The following NALCN variants were observed in gnomAD, a reference collection of about 807,000 sequenced individuals.
The protein encoded by NALCN is sodium leak channel NALCN.
A neutral mutation model predicts 225.3 loss-of-function variants in NALCN; 111 were observed. The observed-to-expected ratio is 0.49, with a 90% CI of 0.42 to 0.58. NALCN has a LOEUF of 0.58. NALCN is among the 20% of genes least tolerant of loss of function. NALCN has a pLI of 0.00. For synonymous variants in NALCN, 764 were observed against 769.0 expected (o/e 0.99, Z 0.11); for missense variants, 1,378 against 2,202.4 (o/e 0.63, Z 7.49).
chr13:101,101,070 G>T (rs934450447), intron 26 of NALCN, among the ~76,000 whole-genome samples, 182 bp from the exon 27 acceptor site: 16 of 151,970 alleles, frequency 1.1e-4, no homozygotes, highest in African/African-American at 3.9e-4. Context: ...GTCAAAAGGA[G>T]AAAATTAACA....
At position 101,199,160 on chromosome 13, in the gene NALCN, G is replaced by A. The variant is rs1436326604; in HGVS notation, c.1627-7106C>T. Reference sequence around the variant, plus strand: ...GTTGTGGGGTGGGGGGAGGTGGGAGGTATAGCATTAGGAGATATAGCTAAT... The same window carrying A: ...GTTGTGGGGTGGGGGGAGGTGGGAGATATAGCATTAGGAGATATAGCTAAT... On this transcript the variant is annotated intron_variant, in intron 13 of 43. Coordinates refer to ENST00000251127, the MANE Select transcript of NALCN (RefSeq NM_052867.4). 2.6e-5 allele frequency among the ~76,000 whole-genome samples: 4 copies of A among 151,578 alleles called. No individual in the cohort carries two copies. The East Asian group carries it at 7.8e-4, about 29-fold the overall frequency.
At chr13:101,265,926 ATGAACCCTAAATC>A (rs1255782370) in intron 10 of NALCN, among the ~76,000 whole-genome samples, 1 of 152,254 alleles carries the variant, frequency 6.6e-6, no homozygotes, top group East Asian at 1.9e-4. Flanking sequence ...GTATAAGTAC[ATGAACCCTAAATC>A]TGAAAGCTGA....
At chr13:101,325,096 C>G (rs1247233553) in intron 7 of NALCN, among the ~76,000 whole-genome samples, 1 of 152,142 alleles carries the variant, frequency 6.6e-6, no homozygotes, top group Non-Finnish European at 1.5e-5. Context: ...TTCTCAGTGG[C>G]TTAAATCCGT....
At chr13:101,111,050 CTG>C (rs2035401785) in intron 19 of NALCN, 73 bp downstream of exon 19, 2 of 1,451,624 alleles carry the variant, frequency 1.4e-6, no homozygotes, top group Admixed American at 1.8e-5. Flanking sequence ...ACAGCCGTGA[CTG>C]TGTACAGCGA....
In NALCN at chr13:101,063,683, C is replaced by G. The variant is rs540629773; in HGVS notation, c.4605-1565G>C. ...GGATAGTGGGAGGTGAAATTGATAACTTGAGAGAACTTTTCCCAGATTCTT... is the reference window on the plus strand; with the variant it reads ...GGATAGTGGGAGGTGAAATTGATAAGTTGAGAGAACTTTTCCCAGATTCTT... On this transcript the variant is annotated intron_variant, in intron 40 of 43. Transcript: ENST00000251127. Among the ~76,000 whole-genome samples, 4 of 151,876 alleles carry G rather than the reference C, an allele frequency of 2.6e-5. No individual in the cohort carries two copies. In the South Asian group the frequency reaches 8.3e-4, roughly 32 times the overall value.
chr13:101,324,125 GT>G (rs1445636360), intron 7 of NALCN, among the ~76,000 whole-genome samples: 1 of 152,104 alleles, frequency 6.6e-6, no homozygotes, highest in African/African-American at 2.4e-5. Context: ...TACTGTGAAG[GT>G]TAGAATGGCT....
chr13:101,177,409 G>GTATATATAGATATATATATATA (rs2039002425), intron 14 of NALCN, among the ~76,000 whole-genome samples: 1 of 124,328 alleles, frequency 8.0e-6, no homozygotes, highest in African/African-American at 2.8e-5. Context: ...GTAAATACGA[G>GTATATATAGATATATATATATA]TATATATATA....
At chr13:101,187,988 C>T (rs1172947910) in intron 14 of NALCN, among the ~76,000 whole-genome samples, 2 of 152,128 alleles carry the variant, frequency 1.3e-5, no homozygotes, top group African/African-American at 4.8e-5. Context: ...TCTGGGCTTG[C>T]AGGTCCCTAG....
intron 10 of NALCN, 114 bp from the exon 11 acceptor site, chr13:101,258,688 G>A: frequency 7.0e-7 from 1 of 1,436,538 alleles, no homozygotes; most frequent in East Asian, 2.3e-5. Context: ...TGCAAAACAG[G>A]GCTTCCAAGA....
chr13:101,302,520 G>C (rs989097350), intron 7 of NALCN, among the ~76,000 whole-genome samples: 6 of 152,008 alleles, frequency 3.9e-5, no homozygotes, highest in Non-Finnish European at 8.8e-5. Context: ...ATAAATGTGA[G>C]ATAAGAAATA....
intron 27 of NALCN, among the ~76,000 whole-genome samples, chr13:101,100,350 A>G (rs619271): frequency 0.77 from 117,639 of 152,146 alleles, 46,299 homozygotes; most frequent in African/African-American, 0.89. Flanking sequence ...GGGTGACCAC[A>G]CTCAAGTTGT....
At chr13:101,116,699 G>A in intron 18 of NALCN, 1 of 375,852 alleles carries the variant, frequency 2.7e-6, no homozygotes. Flanking sequence ...ACCATCTAAA[G>A]GAACTGCAGT....
intron 13 of NALCN, among the ~76,000 whole-genome samples, chr13:101,217,183 T>C (rs1187964110): frequency 2.0e-5 from 3 of 152,188 alleles, no homozygotes; most frequent in Non-Finnish European, 1.5e-5. Context: ...TGAAGCTGCT[T>C]ATGAGCTTTT....
At position 101,089,519 on chromosome 13, in the gene NALCN, T is replaced by A. The variant is rs1441624019; in HGVS notation, c.3489+144A>T. 2.2e-5 allele frequency: 15 copies of A among 672,126 alleles called. No individual in the cohort carries two copies. Among genetic ancestry groups the A allele is most frequent in the Non-Finnish European group, 3.5e-5 (14 of 398,786 alleles). The allele number at this position is 672,126 out of a possible 1,614,324, so 41.6% of individuals were successfully genotyped here. On this transcript the variant is annotated intron_variant, in intron 30 of 43. Coordinates refer to ENST00000251127, the MANE Select transcript of NALCN (RefSeq NM_052867.4). This position sits in a 1 kb window ranked among gnomAD's most constrained non-coding sequence, Gnocchi z 4.7. ...GTCTGAAAAGCAGCAATGAGGGAGC[T>A]TGTAAAACAGTTATAGAGATTATTT...
chr13:101,209,212 G>T (rs369572345), intron 13 of NALCN, among the ~76,000 whole-genome samples: 1 of 151,928 alleles, frequency 6.6e-6, no homozygotes, highest in African/African-American at 2.4e-5. Context: ...TTTCTTCAAG[G>T]CTCTTGTAAA....
intron 7 of NALCN, among the ~76,000 whole-genome samples, chr13:101,342,357 C>T (rs12864402): frequency 1.3e-5 from 2 of 152,112 alleles, no homozygotes; most frequent in Admixed American, 6.5e-5. Flanking sequence ...GAAAACCTTC[C>T]GTTTAGCTTT....
At chr13:101,330,918 T>C (rs2045144316) in intron 7 of NALCN, among the ~76,000 whole-genome samples, 1 of 152,214 alleles carries the variant, frequency 6.6e-6, no homozygotes, top group Admixed American at 6.5e-5. Flanking sequence ...CTTCACCTTG[T>C]GCCATGATTG....
chr13:101,281,323 C>A (rs1177752135), intron 10 of NALCN, among the ~76,000 whole-genome samples: 5 of 152,178 alleles, frequency 3.3e-5, no homozygotes, highest in Non-Finnish European at 7.3e-5. Context: ...CTCAAGCATA[C>A]TGTAAGCTCT....
intron 6 of NALCN, among the ~76,000 whole-genome samples, chr13:101,349,983 C>T (rs2139318851): frequency 6.6e-6 from 1 of 152,308 alleles, no homozygotes; most frequent in South Asian, 2.1e-4. Context: ...CTACTTCTCC[C>T]TCAACCCTCA....
Sources: gnomAD v4.1 joint callset for allele counts (sites outside exome capture counted in the v4.1 genomes callset) on GRCh38, gnomAD v4.1.1 for gene constraint, Gnocchi (gnomAD v3.1) non-coding constraint, MANE v1.5 for transcripts, NCBI Gene and HGNC (gene_info 2026-07-23, HGNC 2026-07-21) for gene names.